FOXR1: variants seen among roughly 807,000 people sequenced by gnomAD.
FOXR1 encodes forkhead box R1, also known as forkhead box protein R1.
A neutral mutation model predicts 34.5 loss-of-function variants in FOXR1; 25 were observed. The ratio of observed to expected loss-of-function variants is 0.72; its 90% CI spans 0.53 to 1.01. The LOEUF is 1.01. Ranked by LOEUF, FOXR1 falls within the 50% of genes least tolerant of loss-of-function variation. FOXR1 has a pLI of 0.00. For missense variants in FOXR1, 373 were observed against 376.2 expected, an observed-to-expected ratio of 0.99 and a Z score of 0.07; for synonymous variants, 153 against 141.6, an observed-to-expected ratio of 1.08 and a Z score of -0.57.
At chr11:118,976,858 C>A (rs1941785399) in intron 1 of FOXR1, among the ~76,000 whole-genome samples, 1 of 152,086 alleles carries the variant, frequency 6.6e-6, no homozygotes, top group Non-Finnish European at 1.5e-5. Context: ...ATTCAGTTAT[C>A]CCCTCCTTGT....
At chr11:118,974,498 CAT>C (rs1240995188) in intron 1 of FOXR1, among the ~76,000 whole-genome samples, 1 of 152,238 alleles carries the variant, frequency 6.6e-6, no homozygotes, top group Non-Finnish European at 1.5e-5. Context: ...GGGTCTGCTT[CAT>C]GAGTGTGTGA....
At position 118,978,985 on chromosome 11, in the gene FOXR1, G is replaced by T; in HGVS notation, c.165G>T (p.Met55Ile). ...DGPDYEPNLWMWVNPNIVYPP... is the reference protein window; with the variant it reads ...DGPDYEPNLWIWVNPNIVYPP... ...CAGATTATGAGCCCAACCTCTGGATGTGGGTAAATCCCAACATTGTGTATC... is the reference window on the plus strand; with the variant it reads ...CAGATTATGAGCCCAACCTCTGGATTTGGGTAAATCCCAACATTGTGTATC... The change falls in exon 3 of 6, where the codon ATG becomes ATT. Residue 55 changes from methionine to isoleucine, a missense_variant. Met to Ile is a conservative substitution (Grantham distance 10). Coordinates refer to ENST00000317011, the MANE Select transcript of FOXR1 (RefSeq NM_181721.3). 1 of 1,604,214 alleles carries T rather than the reference G, an allele frequency of 6.2e-7. No homozygotes were observed. The highest frequency in any genetic ancestry group is 8.5e-7 in the Non-Finnish European group (1 of 1,174,204).
At position 118,978,874 on chromosome 11, in the gene FOXR1, T is replaced by C. The variant is rs1468005751; in HGVS notation, c.136+18T>C. On this transcript the variant is annotated intron_variant, in intron 2 of 5. Transcript: ENST00000317011. ...TAAGGATGGTACGTATTGAGTTCTC[T>C]GACCTGTTTCTGTGGCCTGGGCTGG... The C allele has an allele frequency of 6.2e-7, 1 of 1,614,242 alleles. No individual in the cohort carries two copies.
intron 4 of FOXR1, chr11:118,980,246 T>G (rs782294437): frequency 1.5e-6 from 1 of 672,366 alleles, no homozygotes; most frequent in South Asian, 1.5e-5. Flanking sequence ...TTGGCCTGAT[T>G]CTGCTTTGTT....
rs1164126734 is a variant in FOXR1 at position 118,980,470 on chromosome 11, C to A, written c.612-20C>A. On this transcript the variant is annotated intron_variant, in intron 4 of 5. Coordinates refer to ENST00000317011, the MANE Select transcript of FOXR1 (RefSeq NM_181721.3). ...CCCAGACATAACATGCCTTTCCTTACCTCTCCTCCCTGTCCATAGAAAGCA... is the reference window on the plus strand; with the variant it reads ...CCCAGACATAACATGCCTTTCCTTAACTCTCCTCCCTGTCCATAGAAAGCA... 8 of 1,612,444 alleles carry A rather than the reference C, an allele frequency of 5.0e-6. No individual in the cohort carries two copies. In the East Asian group the frequency reaches 6.7e-5, roughly 13 times the overall value.
chr11:118,978,842 A>G lies in FOXR1; in HGVS notation c.122A>G (p.Asn41Ser). 1 of 1,614,126 alleles carries G rather than the reference A, an allele frequency of 6.2e-7. No individual in the cohort carries two copies. The highest frequency in any genetic ancestry group is 8.5e-7 in the Non-Finnish European group (1 of 1,180,028). ...PPKLPLEKKP[N>S]PDKDGPDYEP... Reference sequence around the variant, plus strand: ...AAATTACCCCTAGAGAAAAAACCCAACCCTGATAAGGATGGTACGTATTGA... The same window carrying G: ...AAATTACCCCTAGAGAAAAAACCCAGCCCTGATAAGGATGGTACGTATTGA... The change falls in exon 2 of 6, where the codon AAC becomes AGC. Residue 41 changes from asparagine to serine, a missense_variant. Asn to Ser is a conservative substitution (Grantham distance 46). Coordinates refer to ENST00000317011, the MANE Select transcript of FOXR1 (RefSeq NM_181721.3).
chr11:118,980,754 C>G (rs942147068), intron 5 of FOXR1, 26 bp downstream of exon 5: 2 of 1,594,450 alleles, frequency 1.3e-6, no homozygotes, highest in African/African-American at 2.7e-5. Context: ...GTGCGTGGGC[C>G]CAAGGGGAAG....
rs1722837989 is a variant in FOXR1, at chr11:118,980,484, C to G, written c.612-6C>G. 4.3e-6 allele frequency: 7 copies of G among 1,613,766 alleles called. No homozygotes were observed. The highest frequency in any genetic ancestry group is 2.7e-5 in the African/African-American group (2 of 74,948). ...GCCTTTCCTTACCTCTCCTCCCTGT[C>G]CATAGAAAGCACTTCCCCTTTTTCC... On this transcript the variant is annotated splice_polypyrimidine_tract_variant and splice_region_variant and intron_variant, in intron 4 of 5. Coordinates refer to ENST00000317011, the MANE Select transcript of FOXR1 (RefSeq NM_181721.3).
In FOXR1 at chr11:118,979,064, A is replaced by C. The variant is rs782511902; in HGVS notation, c.244A>C (p.Thr82Pro). 1 of 1,604,964 alleles carries C rather than the reference A, an allele frequency of 6.2e-7. No individual in the cohort carries two copies. Among genetic ancestry groups the C allele is most frequent in the Non-Finnish European group, 8.5e-7 (1 of 1,176,066 alleles). ...GRRKREDLTS[T>P]LPSSQPPQKE... Reference sequence around the variant, plus strand: ...TAGGAAGAGGGAGGACCTGACAAGCACACTCCCCTCCTCTCAGCCACCCCA... The same window carrying C: ...TAGGAAGAGGGAGGACCTGACAAGCCCACTCCCCTCCTCTCAGCCACCCCA... Residue 82 changes from threonine to proline, a missense_variant, in exon 3 of 6, where the codon ACA (threonine) becomes CCA (proline). Transcript: ENST00000317011.
chr11:118,975,542 G>A (rs1038560673), intron 1 of FOXR1, among the ~76,000 whole-genome samples: 8 of 150,292 alleles, frequency 5.3e-5, no homozygotes, highest in Non-Finnish European at 8.8e-5. Context: ...TGAACTCCTC[G>A]GCTCAAGTGA....
intron 1 of FOXR1, among the ~76,000 whole-genome samples, chr11:118,975,378 A>C (rs1941767383): frequency 6.6e-6 from 1 of 152,078 alleles, no homozygotes; most frequent in African/African-American, 2.4e-5. Context: ...GTTATGCCTC[A>C]ACAGGAAATA....
Position 118,979,047 on chromosome 11 carries a change from G to A in FOXR1, c.227G>A (p.Arg76Lys), listed in dbSNP as rs1941814365. 1 of 1,603,612 alleles carries A rather than the reference G, an allele frequency of 6.2e-7. No individual in the cohort carries two copies. The highest frequency in any genetic ancestry group is 8.5e-7 in the Non-Finnish European group (1 of 1,175,388). Residue 76 changes from arginine to lysine, a missense_variant, in exon 3 of 6, where the codon AGG becomes AAG. Coordinates refer to ENST00000317011, the MANE Select transcript of FOXR1 (RefSeq NM_181721.3). The part of the protein sequence containing the change: ...GKLEVSGRRK[R>K]EDLTSTLPSS... ...CTGGAGGTCTCAGGACGTAGGAAGA[G>A]GGAGGACCTGACAAGCACACTCCCC...
At position 118,979,635 on chromosome 11, in the gene FOXR1, G is replaced by T; in HGVS notation, c.578G>T (p.Gly193Val). The T allele has an allele frequency of 6.2e-7, 1 of 1,609,978 alleles. No homozygotes were observed. The highest frequency in any genetic ancestry group is 8.5e-7 in the Non-Finnish European group (1 of 1,178,036). The part of the protein sequence containing the change: ...ALALRNSSPC[G>V]LNVQQIYSFT... ...GCATTAAGAAACAGTTCCCCCTGTG[G>T]CCTCAACGTGCAACAGATCTACAGT... is the stretch of plus-strand genomic sequence containing the variant. Residue 193 changes from glycine (G) to valine (V), a missense_variant, in exon 4 of 6, where the codon GGC (glycine) becomes GTC (valine). By Grantham distance (109) the Gly-to-Val change is moderately radical (BLOSUM62 -3). Coordinates refer to ENST00000317011, the MANE Select transcript of FOXR1 (RefSeq NM_181721.3).
In FOXR1 at chr11:118,980,630, G is replaced by A. The variant is rs782329734; in HGVS notation, c.752G>A (p.Trp251Ter). ...GASTRPRSCL[W>*]KLTEEGHRRF... is the part of the protein sequence containing the mutation. ...AGCACACGGCCTCGATCTTGCCTCT[G>A]GAAGTTGACCGAGGAGGGACACCGC... Residue 251 changes from tryptophan to a stop codon, truncating the protein, a stop_gained, in exon 5 of 6, where the codon TGG (tryptophan) becomes TAG (stop). Coordinates refer to ENST00000317011, the MANE Select transcript of FOXR1 (RefSeq NM_181721.3). LOFTEE classifies it high-confidence loss of function. 3.1e-6 allele frequency: 5 copies of A among 1,614,106 alleles called. No individual in the cohort carries two copies.
In FOXR1 at chr11:118,971,894, G is replaced by A. The variant is rs1398591105; in HGVS notation, c.-38G>A. ...CTCCAACACCTCGACTTCTGGGCCC[G>A]CCTCCATGGCCAGGTCCCGGGACTG... is the stretch of plus-strand genomic sequence containing the variant. On this transcript the variant is annotated 5_prime_UTR_variant, in exon 1 of 6. Transcript: ENST00000317011. 5 of 1,550,972 alleles carry A rather than the reference G, an allele frequency of 3.2e-6. No homozygotes were observed. The highest frequency in any genetic ancestry group is 4.4e-6 in the Non-Finnish European group (5 of 1,146,114).
At chr11:118,980,228 G>A (rs1328808235) in intron 4 of FOXR1, 1 of 654,774 alleles carries the variant, frequency 1.5e-6, no homozygotes, top group South Asian at 1.5e-5. Flanking sequence ...TCCTCTTACA[G>A]GAGCTGCTTG....
At chr11:118,977,038 A>G (rs1941787501) in intron 1 of FOXR1, among the ~76,000 whole-genome samples, 1 of 151,962 alleles carries the variant, frequency 6.6e-6, no homozygotes, top group African/African-American at 2.4e-5. Context: ...ACTATGTTAG[A>G]ACTTTTTTTT....
intron 1 of FOXR1, among the ~76,000 whole-genome samples, chr11:118,976,735 CTT>C (rs1176828449): frequency 5.3e-5 from 8 of 152,192 alleles, no homozygotes; most frequent in Non-Finnish European, 1.0e-4. Flanking sequence ...GATTCTGTCT[CTT>C]TGCATGTTTC....
chr11:118,972,505 G>T (rs75460900), intron 1 of FOXR1, among the ~76,000 whole-genome samples: 4,162 of 151,980 alleles, frequency 0.027, 197 homozygotes, highest in African/African-American at 0.093. Context: ...TGACCATCGC[G>T]ATCTTTTAGG....
Sources: allele counts gnomAD v4.1 joint callset (sites outside exome capture counted in the v4.1 genomes callset), GRCh38; gene constraint gnomAD v4.1.1; transcripts MANE v1.5; gene names NCBI Gene and HGNC (gene_info 2026-07-23, HGNC 2026-07-21).